The following RTL9 variants were observed in gnomAD, a reference collection of about 807,000 sequenced individuals.
RTL9 encodes retrotransposon Gag like 9.
RTL9 carries 19 observed loss-of-function variants against 44.7 expected under a neutral mutation model. That is an observed-to-expected ratio of 0.42 (90% CI 0.30 to 0.62). The LOEUF (loss-of-function observed/expected upper bound fraction) is 0.62. Ranked by LOEUF, RTL9 falls within the 20% of genes least tolerant of loss-of-function variation. RTL9 has a pLI of 0.16. For missense variants in RTL9, 1,105 were observed against 1,080.6 expected, an observed-to-expected ratio of 1.02 and a Z score of -0.32; for synonymous variants, 407 against 398.9, an observed-to-expected ratio of 1.02 and a Z score of -0.24.
chrX:110,454,324 G>A (rs1018887688), exon 1 of RTL9: 1 of 1,210,608 alleles, frequency 8.3e-7, no homozygotes, highest in Non-Finnish European at 1.1e-6. Context: ...GACATCCTCA[G>A]TGCTGTTCTT....
At chrX:110,451,630 A>G (rs2068941599) in exon 1 of RTL9, 2 of 1,209,680 alleles carry the variant, frequency 1.7e-6, no homozygotes, top group Non-Finnish European at 2.2e-6. Context: ...ACATTACCAA[A>G]GCCAGCTCCA....
At chrX:110,454,389 C>T in exon 1 of RTL9, 1 of 1,212,314 alleles carries the variant, frequency 8.2e-7, no homozygotes. Context: ...TGACTTCCTG[C>T]TGCTGGCCCG....
chrX:110,454,626 A>C, exon 1 of RTL9: 1 of 1,205,387 alleles, frequency 8.3e-7, no homozygotes, highest in Non-Finnish European at 1.1e-6. Context: ...TGAGGAGGCC[A>C]TGGGGAATGA....
At chrX:110,389,413 T>G (rs745902650) in intron 1 of RTL9, among the ~76,000 whole-genome samples, 1 of 112,132 alleles carries the variant, frequency 8.9e-6, no homozygotes, top group South Asian at 3.7e-4. Context: ...TCAAAACATC[T>G]GGGATTTTGT....
intron 1 of RTL9, among the ~76,000 whole-genome samples, chrX:110,362,142 A>AT (rs2068268093): frequency 9.0e-6 from 1 of 111,341 alleles, no homozygotes; most frequent in Non-Finnish European, 1.9e-5. Context: ...TGGAATAAAA[A>AT]ATATATATAT....
chrX:110,365,958 G>T (rs915894643), intron 1 of RTL9, among the ~76,000 whole-genome samples: 3 of 111,540 alleles, frequency 2.7e-5, no homozygotes, highest in Non-Finnish European at 3.8e-5. Flanking sequence ...TGAAAACTAG[G>T]GAATTAGCTG....
chrX:110,456,295 G>A (rs958907755), exon 2 of RTL9: 1 of 112,724 alleles, frequency 8.9e-6, no homozygotes, highest in Non-Finnish European at 1.9e-5. Context: ...TGTTACATTT[G>A]TAATTATAAA....
intron 1 of RTL9, 38 bp from the exon 4 acceptor site, chrX:110,455,164 T>C: frequency 8.3e-7 from 1 of 1,206,571 alleles, no homozygotes. Flanking sequence ...CCATAGTAAG[T>C]GTGGCTCTTA....
intron 1 of RTL9, among the ~76,000 whole-genome samples, chrX:110,440,911 G>C (rs2883091): frequency 0.45 from 49,436 of 110,502 alleles, 9,185 homozygotes; most frequent in African/African-American, 0.66. Flanking sequence ...TCCTGGAAAG[G>C]ACGAGGTCCA....
At chrX:110,426,640 A>G (rs1357669628) in intron 1 of RTL9, 4 of 112,379 alleles carry the variant, frequency 3.6e-5, no homozygotes, top group Admixed American at 2.8e-4. Context: ...AAATGATGAA[A>G]GAATAAAGTA....
At chrX:110,393,774 C>T (rs1189643913) in intron 1 of RTL9, among the ~76,000 whole-genome samples, 1 of 112,619 alleles carries the variant, frequency 8.9e-6, no homozygotes, top group African/African-American at 3.2e-5. Flanking sequence ...TGTCCATGGA[C>T]AGGATGGCGT....
At chrX:110,442,247 C>CTCTCTGTGTGTG (rs1556214261) in intron 1 of RTL9, among the ~76,000 whole-genome samples, 1 of 97,043 alleles carries the variant, frequency 1.0e-5, no homozygotes, top group African/African-American at 3.9e-5. Context: ...CTCTCTCTCT[C>CTCTCTGTGTGTG]TGTGTGTGTG....
At chrX:110,427,187 T>G (rs1039859791) in intron 1 of RTL9, among the ~76,000 whole-genome samples, 20 of 112,000 alleles carry the variant, frequency 1.8e-4, no homozygotes, top group Non-Finnish European at 3.2e-4. Context: ...CCTTCTGGTT[T>G]TCTCACCTTC....
At chrX:110,443,221 A>C (rs2068892124) in intron 1 of RTL9, among the ~76,000 whole-genome samples, 1 of 111,603 alleles carries the variant, frequency 9.0e-6, no homozygotes, top group African/African-American at 3.3e-5. Flanking sequence ...GTTCAAGCCC[A>C]GGCCTGTTTG....
At chrX:110,409,601 TTCA>T (rs1313155177) in intron 1 of RTL9, among the ~76,000 whole-genome samples, 1 of 110,581 alleles carries the variant, frequency 9.0e-6, no homozygotes, top group Non-Finnish European at 1.9e-5. Context: ...TGTCTTGGCC[TTCA>T]GGCAGATCCA....
exon 1 of RTL9, chrX:110,454,211 G>C (rs2148352389): frequency 1.7e-6 from 2 of 1,212,024 alleles, no homozygotes; most frequent in Non-Finnish European, 2.2e-6. Context: ...GAGCAGCAGA[G>C]AGGTGGTTCA....
intron 1 of RTL9, chrX:110,440,177 C>T (rs1410385990): frequency 1.8e-5 from 2 of 110,316 alleles, no homozygotes; most frequent in Non-Finnish European, 3.8e-5. Context: ...TAGTCAGGCT[C>T]ATGGGATTAG....
intron 1 of RTL9, among the ~76,000 whole-genome samples, chrX:110,429,718 G>A (rs954102977): frequency 9.0e-6 from 1 of 111,193 alleles, no homozygotes; most frequent in Non-Finnish European, 1.9e-5. Context: ...CTGACCTCAA[G>A]TGTTCCACCT....
At chrX:110,361,532 T>C (rs1400194735) in intron 1 of RTL9, among the ~76,000 whole-genome samples, 1 of 111,284 alleles carries the variant, frequency 9.0e-6, no homozygotes, top group Non-Finnish European at 1.9e-5. Context: ...CATCTGACAC[T>C]CAGTAACAAC....
Sources: gnomAD v4.1 joint callset for allele counts (sites outside exome capture counted in the v4.1 genomes callset) on GRCh38, gnomAD v4.1.1 for gene constraint, MANE v1.5 for transcripts, NCBI Gene and HGNC (gene_info 2026-07-23, HGNC 2026-07-21) for gene names.